The following CFAP95 variants were observed in gnomAD, a reference collection of about 807,000 sequenced individuals.
CFAP95 encodes cilia- and flagella-associated protein 95.
At chr9:69,896,077 A>C in the CFAP95 span, among the ~76,000 whole-genome samples, 59 of 152,350 alleles carry the variant, frequency 3.9e-4, no homozygotes, top group Admixed American at 1.4e-3. Context: ...TACAGTGAAC[A>C]TATAAAACTT....
At chr9:69,848,643 G>C in the CFAP95 span, among the ~76,000 whole-genome samples, 1 of 152,282 alleles carries the variant, frequency 6.6e-6, no homozygotes, top group Admixed American at 6.5e-5. Flanking sequence ...TCCCCAAGGA[G>C]ATAGAGGGAG....
At chr9:69,887,415 A>C in the CFAP95 span, among the ~76,000 whole-genome samples, 1 of 152,266 alleles carries the variant, frequency 6.6e-6, no homozygotes, top group Admixed American at 6.5e-5. Context: ...ATATTTAACT[A>C]TTGGTAAAGA....
chr9:69,880,729 C>G, the CFAP95 span, among the ~76,000 whole-genome samples: 1 of 152,174 alleles, frequency 6.6e-6, no homozygotes, highest in Non-Finnish European at 1.5e-5. Flanking sequence ...TTTTGAGGAA[C>G]CTCCAAACTG....
the CFAP95 span, among the ~76,000 whole-genome samples, chr9:69,893,035 G>A: frequency 8.4e-4 from 128 of 152,312 alleles, 1 homozygote; most frequent in Non-Finnish European, 1.5e-3. Flanking sequence ...CAAGAGCTCA[G>A]GATACAGAGG....
At chr9:69,875,168 G>A in the CFAP95 span, among the ~76,000 whole-genome samples, 19 of 151,946 alleles carry the variant, frequency 1.3e-4, no homozygotes, top group African/African-American at 4.6e-4. Flanking sequence ...AGCACATAAT[G>A]TACTCTCTAT....
the CFAP95 span, among the ~76,000 whole-genome samples, chr9:69,901,394 C>T: frequency 6.6e-6 from 1 of 152,128 alleles, no homozygotes; most frequent in African/African-American, 2.4e-5. Flanking sequence ...GCCTCGGCCT[C>T]CCAAAGTGCT....
At chr9:69,823,748 G>A in the CFAP95 span, among the ~76,000 whole-genome samples, 10 of 152,266 alleles carry the variant, frequency 6.6e-5, no homozygotes, top group South Asian at 1.9e-3. Context: ...GGGTGGGGCC[G>A]TTTTATAGGA....
chr9:69,824,901 C>A, the CFAP95 span, among the ~76,000 whole-genome samples: 1 of 152,112 alleles, frequency 6.6e-6, no homozygotes, highest in Non-Finnish European at 1.5e-5. Flanking sequence ...ATAAAGATAG[C>A]AAGAATTGAC....
chr9:69,856,817 C>T, the CFAP95 span: 21 of 480,546 alleles, frequency 4.4e-5, no homozygotes, highest in Admixed American at 3.0e-4. Context: ...GCTTTCTGCT[C>T]ATGCTGTTCT....
At chr9:69,833,163 T>C in the CFAP95 span, among the ~76,000 whole-genome samples, 3 of 152,120 alleles carry the variant, frequency 2.0e-5, no homozygotes, top group Non-Finnish European at 4.4e-5. Flanking sequence ...ACTCCCTTTA[T>C]CCCTTACTCC....
At chr9:69,820,872 G>T in the CFAP95 span, 10 of 1,613,732 alleles carry the variant, frequency 6.2e-6, no homozygotes, top group Non-Finnish European at 8.5e-6. Flanking sequence ...TGTACCTCGA[G>T]GGCTCCCATG....
chr9:69,895,336 T>TCC, the CFAP95 span, among the ~76,000 whole-genome samples: 2 of 45,004 alleles, frequency 4.4e-5, no homozygotes, highest in East Asian at 7.1e-4. Context: ...TTAAAATCAG[T>TCC]CTCTCTCTCT....
the CFAP95 span, among the ~76,000 whole-genome samples, chr9:69,861,921 C>T: frequency 1.3e-5 from 2 of 152,072 alleles, no homozygotes; most frequent in Admixed American, 6.6e-5. Context: ...ATACCTACTG[C>T]CACTCCACTC....
chr9:69,860,637 A>G, the CFAP95 span, among the ~76,000 whole-genome samples: 1 of 148,240 alleles, frequency 6.7e-6, no homozygotes, highest in East Asian at 2.0e-4. Flanking sequence ...GGACCCTTTT[A>G]GCAACACTTA....
the CFAP95 span, chr9:69,856,745 G>T: frequency 1.0e-6 from 1 of 1,002,604 alleles, no homozygotes; most frequent in East Asian, 2.5e-5. Flanking sequence ...TAGCAAAAAG[G>T]TATAGTGACC....
the CFAP95 span, among the ~76,000 whole-genome samples, chr9:69,869,809 G>A: frequency 1.3e-3 from 200 of 151,744 alleles, no homozygotes; most frequent in African/African-American, 4.3e-3. Context: ...TTATATTTAA[G>A]CCTGACATTT....
At chr9:69,832,637 TTTTTTTTTTGCCCTTAACAGTACC>T in the CFAP95 span, among the ~76,000 whole-genome samples, 1 of 146,860 alleles carries the variant, frequency 6.8e-6, no homozygotes. Context: ...TTTTTTTTTT[TTTTTTTTTTGCCCTTAACAGTACC>T]TTTTTTTTTT....
At chr9:69,882,961 T>C in the CFAP95 span, among the ~76,000 whole-genome samples, 1 of 152,208 alleles carries the variant, frequency 6.6e-6, no homozygotes, top group African/African-American at 2.4e-5. Context: ...TACTGGCCTC[T>C]TAGAATGAAT....
At chr9:69,872,214 A>G in the CFAP95 span, among the ~76,000 whole-genome samples, 1 of 152,220 alleles carries the variant, frequency 6.6e-6, no homozygotes, top group Non-Finnish European at 1.5e-5. Context: ...ACTACATTGC[A>G]TCATCTTTGA....
Sources: gnomAD v4.1 joint callset for allele counts (sites outside exome capture counted in the v4.1 genomes callset) on GRCh38, gnomAD v4.1.1 for gene constraint, MANE v1.5 for transcripts, NCBI Gene and HGNC (gene_info 2026-07-23, HGNC 2026-07-21) for gene names.